The following SEMA3C variants were observed in gnomAD, a reference collection of about 807,000 sequenced individuals.
The protein encoded by SEMA3C is semaphorin-3C.
SEMA3C carries 47 observed loss-of-function variants against 89.4 expected under a neutral mutation model. The ratio of observed to expected loss-of-function variants is 0.53; its 90% CI spans 0.42 to 0.67. The LOEUF is 0.67. Ranked by LOEUF, SEMA3C falls within the 30% of genes least tolerant of loss-of-function variation. SEMA3C has a pLI of 0.00. For missense variants in SEMA3C, 839 were observed against 929.1 expected (o/e 0.90, Z 1.26); for synonymous variants, 310 against 320.2 (o/e 0.97, Z 0.34).
intron 12 of SEMA3C, among the ~76,000 whole-genome samples, chr7:80,769,490 C>T (rs975841069): frequency 5.9e-5 from 9 of 152,122 alleles, no homozygotes; most frequent in Non-Finnish European, 1.0e-4. Context: ...TCTGACAAGG[C>T]TCACAACAAA....
chr7:80,899,436 A>T, intron 2 of SEMA3C, among the ~76,000 whole-genome samples: 1 of 152,236 alleles, frequency 6.6e-6, no homozygotes, highest in East Asian at 1.9e-4. Context: ...ATATTGTTAG[A>T]AAGATATGAT....
At chr7:80,753,177 T>C (rs926529421) in intron 15 of SEMA3C, among the ~76,000 whole-genome samples, 4 of 152,214 alleles carry the variant, frequency 2.6e-5, no homozygotes, top group African/African-American at 9.6e-5. Flanking sequence ...TGTGTATTTC[T>C]GTACACACGA....
At position 80,748,909 on chromosome 7, in the gene SEMA3C, T is replaced by C. The variant is rs35974568; in HGVS notation, c.1831A>G (p.Arg611Gly). Residue 611 changes from arginine to glycine, a missense_variant, in exon 17 of 18, where the codon AGG (arginine) becomes GGG (glycine). Transcript: ENST00000265361. ...GCTGCTTTACTCACCTCTTTCCTCCTGTCTTTGTCTTTCTGTAACAGCCAC... is the reference window on the plus strand; with the variant it reads ...GCTGCTTTACTCACCTCTTTCCTCCCGTCTTTGTCTTTCTGTAACAGCCAC... ...IKWLLQKDKD[R>G]RKEVKLNERI... 5.4e-5 allele frequency: 87 copies of C among 1,611,522 alleles called. No individual in the cohort carries two copies. The highest frequency in any genetic ancestry group is 3.4e-5 in the Admixed American group (2 of 59,506).
At chr7:80,859,200 T>C (rs1790714961) in intron 2 of SEMA3C, among the ~76,000 whole-genome samples, 1 of 152,132 alleles carries the variant, frequency 6.6e-6, no homozygotes, top group Non-Finnish European at 1.5e-5. Flanking sequence ...AGCATATTTA[T>C]TTTTCCTATA....
At chr7:80,783,944 A>C (rs1788745039) in intron 12 of SEMA3C, among the ~76,000 whole-genome samples, 1 of 152,160 alleles carries the variant, frequency 6.6e-6, no homozygotes, top group Non-Finnish European at 1.5e-5. Context: ...CCCTACACTA[A>C]AAAATCATAA....
At chr7:80,826,313 A>C (rs1789872126) in intron 4 of SEMA3C, among the ~76,000 whole-genome samples, 1 of 152,142 alleles carries the variant, frequency 6.6e-6, no homozygotes, top group South Asian at 2.1e-4. Context: ...CTACCACAAA[A>C]TAAATGCTTA....
At chr7:80,863,705 G>GATATAT (rs1167475009) in intron 2 of SEMA3C, among the ~76,000 whole-genome samples, 1 of 145,998 alleles carries the variant, frequency 6.8e-6, no homozygotes, top group East Asian at 2.0e-4. Context: ...ATATATATGT[G>GATATAT]ATATATATAT....
At chr7:80,808,284 T>G (rs1280388889) in intron 6 of SEMA3C, among the ~76,000 whole-genome samples, 1 of 150,486 alleles carries the variant, frequency 6.6e-6, no homozygotes, top group Non-Finnish European at 1.5e-5. Context: ...TTTGCAGCAT[T>G]TAAAAGGAAA....
rs578102873 is a variant in SEMA3C at position 80,842,198 on chromosome 7, C to A, written c.104-13453G>T. Among the ~76,000 whole-genome samples the A allele has an allele frequency of 3.3e-5, 5 of 152,240 alleles. No homozygotes were observed. The East Asian group carries it at 9.7e-4, about 29-fold the overall frequency. Reference sequence around the variant, plus strand: ...ACAAAGGATGCAACCATGTTTCCTGCAGCTTTGAAAGCCCAAGACTTATCA... The same window carrying A: ...ACAAAGGATGCAACCATGTTTCCTGAAGCTTTGAAAGCCCAAGACTTATCA... On this transcript the variant is annotated intron_variant, in intron 2 of 17. Transcript: ENST00000265361.
At chr7:80,876,614 A>G (rs1490047652) in intron 2 of SEMA3C, among the ~76,000 whole-genome samples, 1 of 152,250 alleles carries the variant, frequency 6.6e-6, no homozygotes. Flanking sequence ...AATAATGAGA[A>G]TGTTACCAAA....
intron 2 of SEMA3C, among the ~76,000 whole-genome samples, chr7:80,881,464 G>A (rs564854665): frequency 1.3e-5 from 2 of 152,192 alleles, no homozygotes; most frequent in South Asian, 4.1e-4. Context: ...TACTTCCTCT[G>A]AGTGCACTCT....
chr7:80,818,560 T>A (rs182011966), intron 4 of SEMA3C, 142 bp from the exon 5 acceptor site: 1 of 810,362 alleles, frequency 1.2e-6, no homozygotes, highest in East Asian at 2.8e-5. Context: ...GGGCGTCCAA[T>A]CTTTTGGCTT....
chr7:80,868,682 A>C (rs1318855727), intron 2 of SEMA3C, among the ~76,000 whole-genome samples: 1 of 152,138 alleles, frequency 6.6e-6, no homozygotes, highest in Non-Finnish European at 1.5e-5. Flanking sequence ...TATTCATGAA[A>C]TTCATACCAA....
intron 2 of SEMA3C, among the ~76,000 whole-genome samples, chr7:80,856,027 T>C (rs188664679): frequency 6.6e-6 from 1 of 152,246 alleles, no homozygotes; most frequent in Admixed American, 6.5e-5. Context: ...ATCTATTAAA[T>C]ATAAGGAGAT....
At chr7:80,906,652 C>T (rs533775425) in intron 2 of SEMA3C, among the ~76,000 whole-genome samples, 20 of 152,182 alleles carry the variant, frequency 1.3e-4, no homozygotes, top group Admixed American at 2.0e-4. Context: ...TATAATTATG[C>T]GTATTAAAAG....
chr7:80,817,403 G>A (rs1484937548), intron 5 of SEMA3C, among the ~76,000 whole-genome samples: 1 of 151,726 alleles, frequency 6.6e-6, no homozygotes, highest in Non-Finnish European at 1.5e-5. Flanking sequence ...TTTAAAAACT[G>A]GACTTTCTAT....
chr7:80,831,094 T>G (rs529829150), intron 2 of SEMA3C, among the ~76,000 whole-genome samples: 384 of 152,318 alleles, frequency 2.5e-3, no homozygotes, highest in Non-Finnish European at 4.1e-3. Flanking sequence ...AGGGGTAAGA[T>G]ATTGCTTGGG....
At chr7:80,838,731 T>C (rs1018622521) in intron 2 of SEMA3C, among the ~76,000 whole-genome samples, 4 of 152,144 alleles carry the variant, frequency 2.6e-5, no homozygotes, top group African/African-American at 7.2e-5. Context: ...TCCTCTTACA[T>C]GGTGGCAAGA....
At chr7:80,832,060 G>T (rs978670089) in intron 2 of SEMA3C, among the ~76,000 whole-genome samples, 4 of 152,094 alleles carry the variant, frequency 2.6e-5, no homozygotes, top group African/African-American at 9.7e-5. Flanking sequence ...TATTTTCATG[G>T]ATGATTATAT....
Sources: allele counts gnomAD v4.1 joint callset (sites outside exome capture counted in the v4.1 genomes callset), GRCh38; gene constraint gnomAD v4.1.1; transcripts MANE v1.5; gene names NCBI Gene and HGNC (gene_info 2026-07-23, HGNC 2026-07-21).